CLIC5: variants seen among roughly 807,000 people sequenced by gnomAD.
CLIC5 encodes CLIC family member 5.
In CLIC5, 20 loss-of-function variants were observed where a neutral mutation model predicts 24.7. That is an observed-to-expected ratio of 0.81 (90% CI 0.57 to 1.18). The LOEUF is 1.18. Ranked by LOEUF, CLIC5 falls within the 50% of genes most tolerant of loss-of-function variation. The probability of loss-of-function intolerance (pLI) is 0.00; values close to 1 mark genes in which losing one functional copy is unlikely to be tolerated. For synonymous variants in CLIC5, 159 were observed against 135.6 expected, an observed-to-expected ratio of 1.17 and a Z score of -1.20; for missense variants, 341 against 326.1, an observed-to-expected ratio of 1.05 and a Z score of -0.35.
chr6:46,034,995 G>A (rs1488787506), intron 1 of CLIC5, among the ~76,000 whole-genome samples: 1 of 152,182 alleles, frequency 6.6e-6, no homozygotes, highest in Non-Finnish European at 1.5e-5. Context: ...TGGAATTATT[G>A]TCCTCAGCAT....
intron 1 of CLIC5, among the ~76,000 whole-genome samples, chr6:46,039,213 T>C (rs79401000): frequency 0.014 from 2,154 of 152,210 alleles, 29 homozygotes; most frequent in Non-Finnish European, 0.022. Context: ...CAGAATAACA[T>C]GAGGGAAAAT....
At chr6:46,035,041 A>T (rs998724802) in intron 1 of CLIC5, among the ~76,000 whole-genome samples, 24 of 152,224 alleles carry the variant, frequency 1.6e-4, no homozygotes, top group Non-Finnish European at 3.5e-4. Flanking sequence ...TGCCTGACAC[A>T]TTAAAAAGTT....
At chr6:46,070,886 C>A (rs1370442805) in intron 1 of CLIC5, among the ~76,000 whole-genome samples, 7 of 152,042 alleles carry the variant, frequency 4.6e-5, no homozygotes, top group Non-Finnish European at 7.4e-5. Flanking sequence ...ACACATTCAC[C>A]AATGGAACAG....
At chr6:45,939,424 T>A (rs1353037170) in intron 4 of CLIC5, among the ~76,000 whole-genome samples, 1 of 151,860 alleles carries the variant, frequency 6.6e-6, no homozygotes, top group Non-Finnish European at 1.5e-5. Context: ...ACTCCTGACC[T>A]CAGGTGATCC....
At chr6:46,123,189 T>A in the CLIC5 span, 1 of 152,166 alleles carries the variant, frequency 6.6e-6, no homozygotes, top group African/African-American at 2.4e-5. Flanking sequence ...CTCAATAAAA[T>A]ACTGGCAAAC....
chr6:46,127,403 C>T, the CLIC5 span, among the ~76,000 whole-genome samples: 1 of 151,942 alleles, frequency 6.6e-6, no homozygotes, highest in African/African-American at 2.4e-5. Flanking sequence ...TAGACTATTG[C>T]CTCTAATTCA....
chr6:46,008,745 A>G (rs1766692464), intron 1 of CLIC5, among the ~76,000 whole-genome samples: 1 of 152,218 alleles, frequency 6.6e-6, no homozygotes, highest in Admixed American at 6.5e-5. Flanking sequence ...AAGAAAAATT[A>G]CAAAAGAAAG....
At chr6:45,965,863 C>T (rs1420036461) in intron 1 of CLIC5, among the ~76,000 whole-genome samples, 1 of 152,168 alleles carries the variant, frequency 6.6e-6, no homozygotes, top group Non-Finnish European at 1.5e-5. Context: ...TCCATTCCCC[C>T]TATATTTAAG....
chr6:45,906,138 G>A (rs572317023), intron 5 of CLIC5, among the ~76,000 whole-genome samples: 1 of 152,172 alleles, frequency 6.6e-6, no homozygotes, highest in Non-Finnish European at 1.5e-5. Context: ...TTGAAGTCAG[G>A]TAATGTGACA....
At chr6:46,060,725 A>AT (rs140875070) in intron 1 of CLIC5, among the ~76,000 whole-genome samples, 10,893 of 151,844 alleles carry the variant, frequency 0.072, 644 homozygotes, top group African/African-American at 0.16. Context: ...TGGTGCCTGC[A>AT]TTTTTTTTCA....
At chr6:45,931,737 C>T (rs979405360) in intron 4 of CLIC5, among the ~76,000 whole-genome samples, 17 of 152,172 alleles carry the variant, frequency 1.1e-4, no homozygotes, top group African/African-American at 1.4e-4. Context: ...TGGCTCACTG[C>T]GACCTCTGCC....
intron 1 of CLIC5, among the ~76,000 whole-genome samples, chr6:46,073,959 C>T (rs1480586701): frequency 1.3e-5 from 2 of 152,182 alleles, no homozygotes; most frequent in Admixed American, 1.3e-4. Flanking sequence ...AAATGTGTTG[C>T]TTATGAAAGC....
the CLIC5 span, among the ~76,000 whole-genome samples, chr6:46,106,622 T>G: frequency 6.6e-6 from 1 of 152,196 alleles, no homozygotes; most frequent in East Asian, 1.9e-4. Flanking sequence ...GACTTTCTGG[T>G]GTTTAGCTGG....
chr6:45,913,772 G>A lies in CLIC5; in HGVS notation c.588+456C>T, dbSNP rs1048178133. 5 of 1,230,996 alleles carry A rather than the reference G, an allele frequency of 4.1e-6. No individual in the cohort carries two copies. The African/African-American group carries it at 7.8e-5, about 19-fold the overall frequency. 76.3% of individuals were successfully genotyped at this position (1,230,996 alleles called of 1,614,324 possible). On this transcript the variant is annotated intron_variant, in intron 5 of 5. Coordinates refer to ENST00000339561, the MANE Select transcript of CLIC5 (RefSeq NM_016929.5). ...TTGATAGATGAGGAAAATAATGTGG[G>A]CTCACCTTAGGAAGTTGCTGGAGGA...
At chr6:46,125,916 T>G in the CLIC5 span, among the ~76,000 whole-genome samples, 1 of 152,196 alleles carries the variant, frequency 6.6e-6, no homozygotes, top group African/African-American at 2.4e-5. Flanking sequence ...AGTTTCAGAA[T>G]TGAGTCTTTA....
intron 1 of CLIC5, among the ~76,000 whole-genome samples, chr6:45,964,395 T>C (rs1236322612): frequency 3.9e-5 from 6 of 152,182 alleles, no homozygotes; most frequent in Admixed American, 1.3e-4. Flanking sequence ...ACATTTCCCT[T>C]CTTCTTAAAA....
At chr6:46,041,701 A>G (rs1767813363) in intron 1 of CLIC5, among the ~76,000 whole-genome samples, 1 of 152,178 alleles carries the variant, frequency 6.6e-6, no homozygotes, top group Non-Finnish European at 1.5e-5. Flanking sequence ...AGCCCCGAGT[A>G]TTGATAAGTT....
rs566761855 is a variant in CLIC5 at position 45,937,019 on chromosome 6, T to A, written c.406+4528A>T. On this transcript the variant is annotated intron_variant, in intron 4 of 5. Coordinates refer to ENST00000339561, the MANE Select transcript of CLIC5 (RefSeq NM_016929.5). Reference sequence around the variant, plus strand: ...AATTACAGAGGAGGGGTGAGTACAGTGATAGGCCTAAACACGGAGCACAGA... The same window carrying A: ...AATTACAGAGGAGGGGTGAGTACAGAGATAGGCCTAAACACGGAGCACAGA... Among the ~76,000 whole-genome samples the A allele has an allele frequency of 2.6e-5, 4 of 152,066 alleles. No homozygotes were observed. In the East Asian group the frequency reaches 7.7e-4, roughly 29 times the overall value.
chr6:45,910,470 T>A (rs2127302064), intron 5 of CLIC5, among the ~76,000 whole-genome samples: 1 of 152,266 alleles, frequency 6.6e-6, no homozygotes, highest in Non-Finnish European at 1.5e-5. Flanking sequence ...TTTTAAAGAC[T>A]GAAGATCCCT....
Sources: gnomAD v4.1 joint callset for allele counts (sites outside exome capture counted in the v4.1 genomes callset) on GRCh38, gnomAD v4.1.1 for gene constraint, MANE v1.5 for transcripts, NCBI Gene and HGNC (gene_info 2026-07-23, HGNC 2026-07-21) for gene names.